The following AFG3L2 variants were observed in gnomAD, a reference collection of about 807,000 sequenced individuals.
AFG3L2 encodes AFG3 like matrix AAA peptidase subunit 2, also known as mitochondrial inner membrane m-AAA protease component AFG3L2.
AFG3L2 carries 54 observed loss-of-function variants against 94.5 expected under a neutral mutation model. The ratio of observed to expected loss-of-function variants is 0.57; its 90% confidence interval spans 0.46 to 0.72. The LOEUF (loss-of-function observed/expected upper bound fraction) is 0.72. Ranked by LOEUF, AFG3L2 falls within the 30% of genes least tolerant of loss-of-function variation. AFG3L2 has a pLI of 0.00. For synonymous variants in AFG3L2, 377 were observed against 365.5 expected, an observed-to-expected ratio of 1.03 and a Z score of -0.36; for missense variants, 754 against 994.9, an observed-to-expected ratio of 0.76 and a Z score of 3.26.
chr18:12,355,663 C>T (rs1908469705), intron 9 of AFG3L2, among the ~76,000 whole-genome samples: 1 of 151,140 alleles, frequency 6.6e-6, no homozygotes, highest in Admixed American at 6.6e-5. Context: ...TTAGGACTCC[C>T]GATTTACATA....
At chr18:12,374,763 A>C (rs1240358855) in intron 1 of AFG3L2, among the ~76,000 whole-genome samples, 1 of 152,216 alleles carries the variant, frequency 6.6e-6, no homozygotes, top group Non-Finnish European at 1.5e-5. Context: ...CATGAGCAGC[A>C]AAAGAAAAGC....
At chr18:12,341,300 A>G (rs1480892591) in intron 14 of AFG3L2, 3 of 152,214 alleles carry the variant, frequency 2.0e-5, no homozygotes, top group Admixed American at 6.5e-5. Flanking sequence ...GAGATGACAT[A>G]TATGGTAAAA....
Position 12,340,126 on chromosome 18 carries a change from A to G in AFG3L2, c.1980+75T>C. The G allele has an allele frequency of 2.3e-6, 3 of 1,324,338 alleles. No homozygotes were observed. In the South Asian group the frequency reaches 3.5e-5, roughly 16 times the overall value. 82.0% of individuals were successfully genotyped at this position (1,324,338 alleles called of 1,614,324 possible). On this transcript the variant is annotated intron_variant, in intron 15 of 16. Transcript: ENST00000269143. ...GTGAAGCACAACTATATTGTTTCAG[A>G]GCCATTCATAGAATGTCAATTTCTC...
At chr18:12,353,604 A>C (rs1451605514) in intron 9 of AFG3L2, among the ~76,000 whole-genome samples, 1 of 152,068 alleles carries the variant, frequency 6.6e-6, no homozygotes, top group Non-Finnish European at 1.5e-5. Context: ...ACTGTAAGGT[A>C]CATTTTTTAA....
Position 12,351,089 on chromosome 18 carries a change from A to C in AFG3L2, c.1548T>G (p.Phe516Leu). ...ARKLASLTPG[F>L]SGADVANVCN... ...TCCTCGTTATTTTCCACTCACCTGA[A>C]AACCCTGGAGTTAAAGATGCCAGTT... Residue 516 changes from phenylalanine to leucine, a missense_variant, in exon 12 of 17, where the codon TTT becomes TTG. Phe to Leu is a conservative substitution (Grantham distance 22). This residue lies in a region of AFG3L2 where 279 missense variants were observed against 378.6 expected (regional missense o/e 0.74). Transcript: ENST00000269143. The C allele has an allele frequency of 6.2e-7, 1 of 1,612,770 alleles. No homozygotes were observed. The highest frequency in any genetic ancestry group is 8.5e-7 in the Non-Finnish European group (1 of 1,180,014).
intron 10 of AFG3L2, among the ~76,000 whole-genome samples, chr18:12,351,941 A>C (rs185255918): frequency 2.1e-3 from 326 of 152,372 alleles, no homozygotes; most frequent in Middle Eastern, 3.4e-3. Flanking sequence ...AAGTTTTACG[A>C]GTAAATTTCC....
chr18:12,344,513 A>G (rs1436879808), intron 13 of AFG3L2, among the ~76,000 whole-genome samples: 1 of 152,026 alleles, frequency 6.6e-6, no homozygotes. Flanking sequence ...CGTCTCTACT[A>G]AAAATACAAA....
intron 13 of AFG3L2, 197 bp from the exon 14 acceptor site, chr18:12,344,444 G>A: frequency 1.8e-6 from 1 of 564,336 alleles, no homozygotes; most frequent in Non-Finnish European, 3.3e-6. Flanking sequence ...GGAGGCTGAG[G>A]TGGTCCAATC....
At chr18:12,351,549 G>GTTTT in intron 10 of AFG3L2, 136 bp from the exon 11 acceptor site, 7 of 615,092 alleles carry the variant, frequency 1.1e-5, no homozygotes, top group African/African-American at 2.0e-5. Context: ...AGTGTTTTTT[G>GTTTT]TTTTTTTTTT....
In AFG3L2 at chr18:12,351,335, G is replaced by A. The variant is rs375098002; in HGVS notation, c.1397C>T (p.Pro466Leu). ...PDILDPALLR[P>L]GRFDRQIFIG... is the part of the protein sequence containing the mutation. The stretch of plus-strand genomic sequence containing the variant: ...AAAGATCTGCCTGTCGAAACGCCCC[G>A]GCCTAAGCAGCGCGGGGTCCAGGAT... Residue 466 changes from proline to leucine, a missense_variant, in exon 11 of 17, where the codon CCG (proline) becomes CTG (leucine). Around this residue, in one of 4 missense-constraint regions of AFG3L2, gnomAD observed 109 missense variants for 227.1 expected, o/e 0.48. Transcript: ENST00000269143. 10 of 1,614,104 alleles carry A rather than the reference G, an allele frequency of 6.2e-6. No homozygotes were observed. The highest frequency in any genetic ancestry group is 7.6e-6 in the Non-Finnish European group (9 of 1,180,044).
Position 12,329,370 on chromosome 18 carries a change from C to T in AFG3L2, c.*195G>A. 1.5e-6 allele frequency: 1 copy of T among 680,468 alleles called. No homozygotes were observed. The highest frequency in any genetic ancestry group is 2.7e-5 in the East Asian group (1 of 37,038). 42.2% of individuals were successfully genotyped at this position (680,468 alleles called of 1,614,324 possible). A position where few individuals can be genotyped will look rare whatever the true frequency, so the allele number is the denominator to read the frequency against. On this transcript the variant is annotated 3_prime_UTR_variant, in exon 17 of 17. Transcript: ENST00000269143. ...GGGACAGTGTGCATTTCCCTCAAGG[C>T]CTCCGGAAAGTCACCTGCCACCCAC...
rs1448905464 is a variant in AFG3L2, at chr18:12,340,229, C to T, written c.1952G>A (p.Arg651Lys). Residue 651 changes from arginine to lysine, a missense_variant, in exon 15 of 17, where the codon AGA becomes AAA. Physicochemically the swap from Arg to Lys is conservative, Grantham distance 26. Transcript: ENST00000269143. Reference sequence around the variant, plus strand: ...GGCATATGCACTCTGAGTTACTTTTCTCAAGTCATCTTGAGCACCAGTTGT... The same window carrying T: ...GGCATATGCACTCTGAGTTACTTTTTTCAAGTCATCTTGAGCACCAGTTGT... ...RITTGAQDDL[R>K]KVTQSAYAQI... 1 of 1,614,100 alleles carries T rather than the reference C, an allele frequency of 6.2e-7. No individual in the cohort carries two copies. The highest frequency in any genetic ancestry group is 1.1e-5 in the South Asian group (1 of 91,080).
intron 13 of AFG3L2, among the ~76,000 whole-genome samples, chr18:12,345,304 G>T (rs578082608): frequency 6.6e-6 from 1 of 152,234 alleles, no homozygotes; most frequent in Admixed American, 6.5e-5. Context: ...CTGGATCAAC[G>T]TGGGCTCTGC....
At chr18:12,361,028 C>T (rs1402411572) in intron 6 of AFG3L2, among the ~76,000 whole-genome samples, 1 of 152,208 alleles carries the variant, frequency 6.6e-6, no homozygotes, top group Non-Finnish European at 1.5e-5. Flanking sequence ...AACCTGCAAT[C>T]ATCTTTTTTT....
At chr18:12,356,912 T>C (rs1908514595) in intron 8 of AFG3L2, 81 bp from the exon 9 acceptor site, 1 of 1,379,414 alleles carries the variant, frequency 7.2e-7, no homozygotes, top group East Asian at 2.5e-5. Context: ...TTACAAGATA[T>C]AACTCTGTCT....
chr18:12,347,522 G>A (rs1248255857), intron 13 of AFG3L2, among the ~76,000 whole-genome samples: 1 of 151,218 alleles, frequency 6.6e-6, no homozygotes, highest in East Asian at 2.0e-4. Context: ...CTCTACGCCT[G>A]TTACAGTTAT....
At chr18:12,331,844 TATATATATATATATATAA>T (rs1352971119) in intron 16 of AFG3L2, among the ~76,000 whole-genome samples, 2 of 4,572 alleles carry the variant, frequency 4.4e-4, no homozygotes, top group African/African-American at 3.4e-4. Flanking sequence ...TATATATATA[TATATATATATATATATAA>T]AACAAGGGCA....
At chr18:12,355,581 A>T (rs1424102775) in intron 9 of AFG3L2, among the ~76,000 whole-genome samples, 1 of 152,210 alleles carries the variant, frequency 6.6e-6, no homozygotes, top group East Asian at 1.9e-4. Flanking sequence ...AATCAGGCAT[A>T]AAAAAACCAC....
chr18:12,342,546 T>C (rs927401578), intron 14 of AFG3L2: 3 of 152,224 alleles, frequency 2.0e-5, no homozygotes, highest in African/African-American at 7.2e-5. Context: ...TTTGAAATTT[T>C]GATGAGATCC....
Sources: gnomAD v4.1 joint callset for allele counts (sites outside exome capture counted in the v4.1 genomes callset) on GRCh38, gnomAD v4.1.1 for gene constraint, gnomAD v4.1.1 regional missense constraint, MANE v1.5 for transcripts, NCBI Gene and HGNC (gene_info 2026-07-23, HGNC 2026-07-21) for gene names.